RPS3: variants seen among roughly 807,000 people sequenced by gnomAD.
RPS3 encodes the protein ribosomal protein S3.
A neutral mutation model predicts 25.8 loss-of-function variants in RPS3; 2 were observed. That is an observed-to-expected ratio of 0.08 (90% CI 0.03 to 0.24). The LOEUF is 0.24. RPS3 is among the 10% of genes least tolerant of loss of function. RPS3 has a pLI of 1.00. For synonymous variants in RPS3, 114 were observed against 114.2 expected (o/e 1.00, Z 0.01); for missense variants, 107 against 307.1 (o/e 0.35, Z 4.87).
At chr11:75,409,178 ATTATTTAT>A (rs376450397), downstream of RPS3, among the ~76,000 whole-genome samples, 58 of 148,388 alleles carry the variant, frequency 3.9e-4, no homozygotes, top group African/African-American at 1.4e-3. Flanking sequence ...TATTATTATT[ATTATTTAT>A]TTATTTATTT....
chr11:75,417,048 C>T (rs1414951454), intron 6 of RPS3, among the ~76,000 whole-genome samples: 1 of 152,172 alleles, frequency 6.6e-6, no homozygotes, highest in Non-Finnish European at 1.5e-5. Flanking sequence ...GTTATATGCC[C>T]TGAGCTTGCT....
At chr11:75,416,940 T>C (rs1363973309) in intron 6 of RPS3, among the ~76,000 whole-genome samples, 2 of 152,152 alleles carry the variant, frequency 1.3e-5, no homozygotes, top group African/African-American at 4.8e-5. Context: ...ACCAAACCAT[T>C]CTCTTTTTTT....
intron 6 of RPS3, among the ~76,000 whole-genome samples, chr11:75,419,148 C>T (rs1295790623): frequency 6.6e-6 from 1 of 152,152 alleles, no homozygotes; most frequent in Non-Finnish European, 1.5e-5. Context: ...AATAGTCATC[C>T]TGATTCACTG....
chr11:75,407,700 C>G (rs1335321879), downstream of RPS3, among the ~76,000 whole-genome samples: 2 of 152,110 alleles, frequency 1.3e-5, no homozygotes, highest in Admixed American at 1.3e-4. Context: ...TCGATCTGAC[C>G]TCGTGATCCG....
At chr11:75,403,228 C>G (rs1301584113) in intron 4 of RPS3, 2 of 152,202 alleles carry the variant, frequency 1.3e-5, no homozygotes, top group Non-Finnish European at 2.9e-5. Context: ...CAATGGTTCT[C>G]AAGATTAATG....
In RPS3 at chr11:75,399,940, C is replaced by T; in HGVS notation, c.30+363C>T. 3 of 359,096 alleles carry T rather than the reference C, an allele frequency of 8.4e-6. No homozygotes were observed. The South Asian group carries it at 1.0e-4, about 12-fold the overall frequency. 22.2% of individuals were successfully genotyped at this position (359,096 alleles called of 1,614,324 possible). On this transcript the variant is annotated intron_variant, in intron 1 of 6. Transcript: ENST00000531188. Reference sequence around the variant, plus strand: ...TGGGAAGAGAAGGCAGCAGTGTATTCTTGCCTTAACTGGTCGTTTCTGGGT... The same window carrying T: ...TGGGAAGAGAAGGCAGCAGTGTATTTTTGCCTTAACTGGTCGTTTCTGGGT...
intron 6 of RPS3, among the ~76,000 whole-genome samples, chr11:75,416,646 C>T (rs61133883): frequency 3.3e-5 from 5 of 151,838 alleles, no homozygotes; most frequent in East Asian, 1.9e-4. Context: ...TTAGTAGAGA[C>T]GGGGTTTCAC....
At chr11:75,400,876 GGTTT>G (rs1331366979) in intron 2 of RPS3, 52 bp downstream of exon 2, 1 of 1,570,384 alleles carries the variant, frequency 6.4e-7, no homozygotes, top group Non-Finnish European at 8.6e-7. Context: ...ATGCTAAGTT[GGTTT>G]ATTTATTTAT....
rs1261740433 is a variant in RPS3, at chr11:75,404,640, A to G, written c.539-32A>G. ...GTGTGATGGGGGCCTTTGAGACCCC[A>G]GCTGTGTGCTAACAACTGTGGTGTC... On this transcript the variant is annotated intron_variant, in intron 5 of 6. Transcript: ENST00000531188. The surrounding 1 kb of genome is among the most constrained non-coding windows in gnomAD (Gnocchi z 4.6). 1.3e-6 allele frequency: 2 copies of G among 1,594,232 alleles called. No homozygotes were observed. The highest frequency in any genetic ancestry group is 2.7e-5 in the African/African-American group (2 of 74,532).
downstream of RPS3, among the ~76,000 whole-genome samples, chr11:75,407,170 C>T (rs575780406): frequency 6.6e-6 from 1 of 152,280 alleles, no homozygotes; most frequent in Non-Finnish European, 1.5e-5. Flanking sequence ...TGGAGTTTTG[C>T]TCTTGTGTGC....
chr11:75,409,340 C>A (rs1194670790), downstream of RPS3, among the ~76,000 whole-genome samples: 5 of 136,228 alleles, frequency 3.7e-5, no homozygotes, highest in Non-Finnish European at 7.8e-5. Flanking sequence ...CGGCCTTCCG[C>A]AGTGTTTGTG....
intron 6 of RPS3, among the ~76,000 whole-genome samples, chr11:75,412,012 T>C (rs1948361217): frequency 6.6e-6 from 1 of 152,212 alleles, no homozygotes; most frequent in Admixed American, 6.5e-5. Context: ...GTAGTGGTCA[T>C]GGCCCCACCC....
At position 75,405,167 on chromosome 11, in the gene RPS3, C is replaced by T. The variant is rs868483610; in HGVS notation, c.*3+299C>T. On this transcript the variant is annotated intron_variant, in intron 6 of 6. Coordinates refer to ENST00000531188, the MANE Select transcript of RPS3 (RefSeq NM_001005.5). Reference sequence around the variant, plus strand: ...TTTTGGCTCAGTGCAACCTCTGCCTCCCATGTTCAAGCAATTCTCCTGTCT... The same window carrying T: ...TTTTGGCTCAGTGCAACCTCTGCCTTCCATGTTCAAGCAATTCTCCTGTCT... 4 of 218,442 alleles carry T rather than the reference C, an allele frequency of 1.8e-5. No homozygotes were observed. The South Asian group carries it at 4.2e-4, about 23-fold the overall frequency. The allele number at this position is 218,442 out of a possible 1,614,324, so 13.5% of individuals were successfully genotyped here.
chr11:75,407,599 G>A (rs1180621397), downstream of RPS3, among the ~76,000 whole-genome samples: 1 of 152,208 alleles, frequency 6.6e-6, no homozygotes, highest in Non-Finnish European at 1.5e-5. Context: ...CTCCCGAGTA[G>A]CTGGGACTAC....
chr11:75,409,185 ATTTAT>A (rs1364605087), downstream of RPS3, among the ~76,000 whole-genome samples: 1 of 149,786 alleles, frequency 6.7e-6, no homozygotes, highest in Admixed American at 6.6e-5. Context: ...ATTATTATTT[ATTTAT>A]TTATTTATTT....
chr11:75,421,290 G>A (rs1309576587), intron 6 of RPS3, among the ~76,000 whole-genome samples: 1 of 152,192 alleles, frequency 6.6e-6, no homozygotes. Context: ...GGAAGATGGG[G>A]TGGGATGTGG....
chr11:75,417,043 A>G (rs567428134), intron 6 of RPS3, among the ~76,000 whole-genome samples: 2 of 152,348 alleles, frequency 1.3e-5, no homozygotes, highest in East Asian at 3.9e-4. Flanking sequence ...TAATTGTTAT[A>G]TGCCCTGAGC....
intron 6 of RPS3, 23 bp from the exon 7 acceptor site, chr11:75,405,591 T>G (rs1199606867): frequency 2.2e-6 from 1 of 455,290 alleles, no homozygotes; most frequent in African/African-American, 2.0e-5. Flanking sequence ...AGTTTCTTAC[T>G]TTTGTGCTTT....
intron 6 of RPS3, among the ~76,000 whole-genome samples, chr11:75,414,528 A>G (rs1160491866): frequency 6.6e-6 from 1 of 152,094 alleles, no homozygotes; most frequent in African/African-American, 2.4e-5. Context: ...GGAGAATGGC[A>G]TGAAGCCAGG....
Sources: allele counts gnomAD v4.1 joint callset (sites outside exome capture counted in the v4.1 genomes callset), GRCh38; gene constraint gnomAD v4.1.1; non-coding constraint Gnocchi (gnomAD v3.1); transcripts MANE v1.5; gene names NCBI Gene and HGNC (gene_info 2026-07-23, HGNC 2026-07-21).